The following CHRDL2 variants were observed in gnomAD, a reference collection of about 807,000 sequenced individuals.
The protein encoded by CHRDL2 is chordin like 2.
In CHRDL2, 41 loss-of-function variants were observed where a neutral mutation model predicts 54.3. The observed-to-expected ratio is 0.76, with a 90% CI of 0.59 to 0.98. The LOEUF (loss-of-function observed/expected upper bound fraction) is 0.98. Ranked by LOEUF, CHRDL2 falls within the 50% of genes least tolerant of loss-of-function variation. The pLI is 0.00. For missense variants in CHRDL2, 518 were observed against 562.4 expected (o/e 0.92, Z 0.80); for synonymous variants, 220 against 224.3 (o/e 0.98, Z 0.17).
chr11:74,705,340 G>C (rs2033975730), intron 6 of CHRDL2, among the ~76,000 whole-genome samples: 1 of 152,202 alleles, frequency 6.6e-6, no homozygotes, highest in African/African-American at 2.4e-5. Context: ...GAGCAAGTGG[G>C]CTTGGGGCAG....
At chr11:74,730,093 T>G (rs910440744) in intron 1 of CHRDL2, among the ~76,000 whole-genome samples, 7 of 152,190 alleles carry the variant, frequency 4.6e-5, no homozygotes, top group Admixed American at 2.0e-4. Context: ...GTCAGAGAGG[T>G]GCACTCTGTG....
intron 4 of CHRDL2, among the ~76,000 whole-genome samples, chr11:74,710,540 C>T (rs187190942): frequency 7.9e-5 from 12 of 152,288 alleles, no homozygotes; most frequent in Non-Finnish European, 1.2e-4. Flanking sequence ...TTACAGATGT[C>T]TTTTGTGCTT....
In CHRDL2 at chr11:74,702,782, G is replaced by A; in HGVS notation, c.1120+12C>T. 6.2e-7 allele frequency: 1 copy of A among 1,613,908 alleles called. No individual in the cohort carries two copies. Among genetic ancestry groups the A allele is most frequent in the Non-Finnish European group, 8.5e-7 (1 of 1,179,872 alleles). ...CAGAGGTACACCCCACTGGGAGTGG[G>A]CCAGCACTCACCTTTTACCAGCTTC... On this transcript the variant is annotated intron_variant, in intron 9 of 10. Coordinates refer to ENST00000376332, the MANE Select transcript of CHRDL2 (RefSeq NM_001278473.3).
At position 74,710,923 on chromosome 11, in the gene CHRDL2, G is replaced by A. The variant is rs769753090; in HGVS notation, c.358C>T (p.His120Tyr). The change falls in exon 4 of 11, where the codon CAC becomes TAC. Residue 120 changes from histidine (H) to tyrosine (Y), a missense_variant. Coordinates refer to ENST00000376332, the MANE Select transcript of CHRDL2 (RefSeq NM_001278473.3). ...SCQHNGTMYQ[H>Y]GEIFSAHELF... ...TCATGGGCACTGAAGATCTCTCCGT[G>A]TTGGTACATGGTCCCGTTGTGCTGG... 1.2e-6 allele frequency: 2 copies of A among 1,614,036 alleles called. No individual in the cohort carries two copies. Among genetic ancestry groups the A allele is most frequent in the African/African-American group, 1.3e-5 (1 of 74,928 alleles).
chr11:74,707,093 CCTG>C (rs2034035250), intron 5 of CHRDL2, among the ~76,000 whole-genome samples: 1 of 152,208 alleles, frequency 6.6e-6, no homozygotes, highest in South Asian at 2.1e-4. Context: ...CGTTTGGAGC[CCTG>C]CAGCTTCCTA....
chr11:74,716,644 A>G (rs1036538131), intron 2 of CHRDL2, among the ~76,000 whole-genome samples: 2 of 151,760 alleles, frequency 1.3e-5, no homozygotes, highest in Admixed American at 6.6e-5. Context: ...TCCAATGAAA[A>G]GCTATTAGAG....
chr11:74,697,603 T>C, intron 9 of CHRDL2: 1 of 492,588 alleles, frequency 2.0e-6, no homozygotes, highest in Non-Finnish European at 3.9e-6. Flanking sequence ...TACGTCACCC[T>C]GTCATTCCCC....
At chr11:74,699,457 G>T (rs1852500446) in intron 9 of CHRDL2, 1 of 152,360 alleles carries the variant, frequency 6.6e-6, no homozygotes, top group African/African-American at 2.4e-5. Flanking sequence ...GCTCAGCTCA[G>T]TGTGAAGTCA....
rs60275509 is a variant in CHRDL2, at chr11:74,717,429, T to G, written c.195+1291A>C. ...TCTGGAATTTTCTGTTATGATTTCC[T>G]TTCTGTTCTCTGGCTATATTTCATA... On this transcript the variant is annotated intron_variant, in intron 2 of 10. Transcript: ENST00000376332. Among the ~76,000 whole-genome samples, 1,092 of 152,380 alleles carry G rather than the reference T, an allele frequency of 7.2e-3. 12 individuals are homozygous for G. Among genetic ancestry groups the G allele is most frequent in the African/African-American group, 0.025 (1,031 of 41,592 alleles).
rs749117194 is a variant in CHRDL2, at chr11:74,711,009, C to A, written c.290-18G>T. On this transcript the variant is annotated intron_variant, in intron 3 of 10. Coordinates refer to ENST00000376332, the MANE Select transcript of CHRDL2 (RefSeq NM_001278473.3). Reference sequence around the variant, plus strand: ...GTGAGGTTCTGCAGTGGGGGAGGGGCAGGAGGAAGAAGAAAATGAGGTTTC... The same window carrying A: ...GTGAGGTTCTGCAGTGGGGGAGGGGAAGGAGGAAGAAGAAAATGAGGTTTC... 6.3e-7 allele frequency: 1 copy of A among 1,598,422 alleles called. No individual in the cohort carries two copies. Among genetic ancestry groups the A allele is most frequent in the Non-Finnish European group, 8.5e-7 (1 of 1,171,762 alleles).
intron 9 of CHRDL2, chr11:74,701,034 G>T (rs143121247): frequency 1.3e-5 from 2 of 152,006 alleles, no homozygotes; most frequent in South Asian, 2.1e-4. Flanking sequence ...CACGCTTCTC[G>T]TAAGTGGAGC....
intron 2 of CHRDL2, among the ~76,000 whole-genome samples, chr11:74,715,582 G>C (rs553327905): frequency 1.3e-5 from 2 of 149,428 alleles, no homozygotes; most frequent in African/African-American, 4.9e-5. Context: ...CAGCCTGGGC[G>C]ACAGAGCGAG....
intron 9 of CHRDL2, among the ~76,000 whole-genome samples, chr11:74,700,087 C>G (rs2033750245): frequency 6.6e-6 from 1 of 152,236 alleles, no homozygotes; most frequent in Non-Finnish European, 1.5e-5. Flanking sequence ...TGGGGACAGT[C>G]AGAGCTGGAT....
At chr11:74,702,708 A>T in intron 9 of CHRDL2, 86 bp downstream of exon 9, 1 of 1,437,766 alleles carries the variant, frequency 7.0e-7, no homozygotes, top group Non-Finnish European at 9.7e-7. Context: ...GATCAGCAAA[A>T]CGTCCCTAAG....
intron 1 of CHRDL2, 147 bp downstream of exon 1, chr11:74,730,660 A>G (rs2034637596): frequency 1.3e-6 from 1 of 743,104 alleles, no homozygotes. Context: ...CCCGGCCCAT[A>G]CTGGTCCTCA....
At chr11:74,707,607 G>T (rs539374549) in intron 5 of CHRDL2, among the ~76,000 whole-genome samples, 1 of 152,144 alleles carries the variant, frequency 6.6e-6, no homozygotes, top group East Asian at 1.9e-4. Flanking sequence ...GTCCTTACCT[G>T]TACTAGACCC....
intron 1 of CHRDL2, among the ~76,000 whole-genome samples, chr11:74,724,874 A>G (rs2034548122): frequency 6.6e-6 from 1 of 152,234 alleles, no homozygotes; most frequent in African/African-American, 2.4e-5. Flanking sequence ...TGCTCAAGGT[A>G]GAGCCTACAT....
At chr11:74,697,525 A>G (rs180936524) in intron 9 of CHRDL2, 56 of 577,252 alleles carry the variant, frequency 9.7e-5, no homozygotes, top group Admixed American at 9.3e-4. Flanking sequence ...GGGTCACTAC[A>G]CTAGAGTCCT....
intron 1 of CHRDL2, among the ~76,000 whole-genome samples, chr11:74,724,230 G>T (rs1448260886): frequency 6.6e-6 from 1 of 152,240 alleles, no homozygotes; most frequent in Non-Finnish European, 1.5e-5. Context: ...AGATGCAAAG[G>T]CACAGAGGTG....
Sources: allele counts gnomAD v4.1 joint callset (sites outside exome capture counted in the v4.1 genomes callset), GRCh38; gene constraint gnomAD v4.1.1; transcripts MANE v1.5; gene names NCBI Gene and HGNC (gene_info 2026-07-23, HGNC 2026-07-21).